Variants in LIPI observed in about 807,000 individuals in gnomAD.
LIPI encodes lipase member I.
A neutral mutation model predicts 50.6 loss-of-function variants in LIPI; 59 were observed. That is an observed-to-expected ratio of 1.16 (90% CI 0.94 to 1.45). The LOEUF is 1.45. Ranked by LOEUF, LIPI falls within the 40% of genes most tolerant of loss-of-function variation. LIPI has a pLI of 0.00. For missense variants in LIPI, 586 were observed against 536.3 expected (o/e 1.09, Z -0.92); for synonymous variants, 203 against 178.2 (o/e 1.14, Z -1.11).
chr21:14,170,561 T>C (rs941420416), intron 4 of LIPI, among the ~76,000 whole-genome samples: 1 of 152,314 alleles, frequency 6.6e-6, no homozygotes, highest in Middle Eastern at 3.4e-3. Flanking sequence ...TGGTTCAATA[T>C]ACGCAAATCA....
At chr21:14,196,129 T>TC (rs1418578344) in intron 1 of LIPI, among the ~76,000 whole-genome samples, 1 of 148,142 alleles carries the variant, frequency 6.8e-6, no homozygotes, top group Non-Finnish European at 1.5e-5. Context: ...TCGTAGCGTT[T>TC]TTTTTTTTTA....
intron 3 of LIPI, among the ~76,000 whole-genome samples, chr21:14,182,168 C>T (rs967875650): frequency 9.2e-5 from 14 of 152,078 alleles, no homozygotes; most frequent in African/African-American, 3.4e-4. Context: ...ATAACTACAA[C>T]TATTTCTCCT....
intron 9 of LIPI, among the ~76,000 whole-genome samples, chr21:14,132,098 T>C (rs2017319390): frequency 6.6e-6 from 1 of 152,194 alleles, no homozygotes; most frequent in African/African-American, 2.4e-5. Flanking sequence ...GTATTAATTA[T>C]TGGTATTCCA....
intron 1 of LIPI, among the ~76,000 whole-genome samples, chr21:14,205,726 G>A (rs2020207165): frequency 1.3e-5 from 2 of 151,756 alleles, no homozygotes; most frequent in African/African-American, 4.8e-5. Flanking sequence ...AGTTTAATGA[G>A]AAAAAATAGA....
At chr21:14,167,163 G>C (rs1440124555) in intron 4 of LIPI, among the ~76,000 whole-genome samples, 1 of 152,200 alleles carries the variant, frequency 6.6e-6, no homozygotes, top group African/African-American at 2.4e-5. Context: ...CTGGGGGAGG[G>C]GTGCCTGCCA....
intron 9 of LIPI, among the ~76,000 whole-genome samples, chr21:14,117,931 G>A (rs950138252): frequency 1.3e-5 from 2 of 152,068 alleles, no homozygotes; most frequent in Middle Eastern, 3.4e-3. Flanking sequence ...ATTTGCAAGA[G>A]GACATGAATG....
chr21:14,189,487 G>T, intron 1 of LIPI, 68 bp from the exon 2 acceptor site: 3 of 1,420,528 alleles, frequency 2.1e-6, no homozygotes, highest in South Asian at 1.2e-5. Flanking sequence ...CTATTGCAAA[G>T]AACAGAATTA....
intron 1 of LIPI, among the ~76,000 whole-genome samples, chr21:14,191,141 G>A (rs995439859): frequency 2.0e-5 from 3 of 152,094 alleles, no homozygotes; most frequent in African/African-American, 7.2e-5. Context: ...CTACTCAGGA[G>A]GCCGAGGCGG....
intron 9 of LIPI, among the ~76,000 whole-genome samples, chr21:14,125,342 T>C (rs2017018119): frequency 6.6e-6 from 1 of 152,180 alleles, no homozygotes; most frequent in Non-Finnish European, 1.5e-5. Flanking sequence ...TGGTAAAACT[T>C]ACATGAAGTT....
At chr21:14,179,502 T>A (rs963940307) in intron 4 of LIPI, among the ~76,000 whole-genome samples, 1 of 152,062 alleles carries the variant, frequency 6.6e-6, no homozygotes, top group African/African-American at 2.4e-5. Context: ...TTCATTAGGA[T>A]AAGTCAAAAA....
At chr21:14,137,629 G>GA (rs1379514909) in intron 9 of LIPI, among the ~76,000 whole-genome samples, 5 of 152,108 alleles carry the variant, frequency 3.3e-5, no homozygotes, top group African/African-American at 1.2e-4. Context: ...TTATTCACCT[G>GA]AAAAAGGAGG....
chr21:14,149,360 G>C (rs185456676), intron 8 of LIPI, among the ~76,000 whole-genome samples: 1 of 152,116 alleles, frequency 6.6e-6, no homozygotes, highest in Non-Finnish European at 1.5e-5. Context: ...ACCTGGTCCC[G>C]CCCTTGACAG....
At chr21:14,173,112 G>A (rs1262672719) in intron 4 of LIPI, among the ~76,000 whole-genome samples, 2 of 152,186 alleles carry the variant, frequency 1.3e-5, no homozygotes, top group African/African-American at 2.4e-5. Flanking sequence ...GAGCACAAAT[G>A]TGAAGGATGT....
intron 4 of LIPI, among the ~76,000 whole-genome samples, chr21:14,168,697 A>C (rs1020592724): frequency 6.6e-6 from 1 of 152,224 alleles, no homozygotes; most frequent in Non-Finnish European, 1.5e-5. Context: ...GCCTGCCCTA[A>C]AAGAGCTCCT....
chr21:14,185,938 T>C (rs2019438505), intron 3 of LIPI, 23 bp downstream of exon 3: 1 of 1,293,274 alleles, frequency 7.7e-7, no homozygotes, highest in African/African-American at 1.5e-5. Flanking sequence ...GCTAAAGCAA[T>C]AATTTTATAA....
chr21:14,124,751 T>G (rs1276383789), intron 9 of LIPI, among the ~76,000 whole-genome samples: 1 of 152,208 alleles, frequency 6.6e-6, no homozygotes, highest in African/African-American at 2.4e-5. Context: ...GATCATCTTT[T>G]AATAAAGACC....
At chr21:14,138,076 T>C (rs371376368) in intron 9 of LIPI, among the ~76,000 whole-genome samples, 13 of 152,270 alleles carry the variant, frequency 8.5e-5, no homozygotes, top group African/African-American at 3.1e-4. Context: ...AGGGATTTCA[T>C]TGATACCAGA....
At position 14,165,357 on chromosome 21, in the gene LIPI, G is replaced by A; in HGVS notation, c.767C>T (p.Ala256Val). 2 of 1,612,058 alleles carry A rather than the reference G, an allele frequency of 1.2e-6. No individual in the cohort carries two copies. Among genetic ancestry groups the A allele is most frequent in the South Asian group, 2.2e-5 (2 of 90,960 alleles). Reference protein sequence around the residue: ...IQFIKCNHQRAVHLFMASLET... With the variant: ...IQFIKCNHQRVVHLFMASLET... ...TAAAGATGCCATGAACAAGTGAACTGCTCTCTGGTGGTTGCATTTAATGAA... is the reference window on the plus strand; with the variant it reads ...TAAAGATGCCATGAACAAGTGAACTACTCTCTGGTGGTTGCATTTAATGAA... Residue 256 changes from alanine to valine, a missense_variant, in exon 6 of 10, where the codon GCA becomes GTA. Ala to Val is a moderately conservative substitution (Grantham distance 64). Transcript: ENST00000681601.
At chr21:14,163,334 G>A (rs763049715) in intron 7 of LIPI, 85 bp downstream of exon 7, 16 of 717,144 alleles carry the variant, frequency 2.2e-5, no homozygotes, top group South Asian at 1.1e-4. Context: ...ATTTGAGTGG[G>A]TGCAAAGAAC....
Sources: gnomAD v4.1 joint callset for allele counts (sites outside exome capture counted in the v4.1 genomes callset) on GRCh38, gnomAD v4.1.1 for gene constraint, MANE v1.5 for transcripts, NCBI Gene and HGNC (gene_info 2026-07-23, HGNC 2026-07-21) for gene names.